Variants in AOPEP observed in about 807,000 individuals in gnomAD.
The protein encoded by AOPEP is aminopeptidase O (putative).
Under a neutral mutation model 98.1 loss-of-function variants are expected in AOPEP, and 77 were observed. The ratio of observed to expected loss-of-function variants is 0.78; its 90% CI spans 0.65 to 0.95. The LOEUF is 0.95. Among genes scored for constraint, AOPEP ranks in the 40% least tolerant of loss-of-function variants. AOPEP has a pLI of 0.00. For missense variants in AOPEP, 1,024 were observed against 1,024.7 expected (o/e 1.00, Z 0.01); for synonymous variants, 346 against 365.3 (o/e 0.95, Z 0.60).
chr9:94,814,373 A>T (rs1851265551), intron 5 of AOPEP, among the ~76,000 whole-genome samples: 1 of 152,212 alleles, frequency 6.6e-6, no homozygotes, highest in South Asian at 2.1e-4. Context: ...GATGTACCCC[A>T]GGTATTTAAT....
At chr9:94,764,783 A>T (rs1391924735) in intron 2 of AOPEP, among the ~76,000 whole-genome samples, 3 of 152,236 alleles carry the variant, frequency 2.0e-5, no homozygotes, top group Admixed American at 6.5e-5. Flanking sequence ...TGACAAGCAT[A>T]CTAATATAAG....
At chr9:95,128,588 G>A in the AOPEP span, among the ~76,000 whole-genome samples, 3 of 152,172 alleles carry the variant, frequency 2.0e-5, no homozygotes, top group East Asian at 3.9e-4. Context: ...AAACCACTGG[G>A]GGAGCAAGGA....
At chr9:94,964,163 A>G (rs1350177489) in intron 9 of AOPEP, among the ~76,000 whole-genome samples, 1 of 152,176 alleles carries the variant, frequency 6.6e-6, no homozygotes, top group Non-Finnish European at 1.5e-5. Flanking sequence ...GAGATGCCCA[A>G]GGTGTTAGGA....
At chr9:95,050,304 C>G (rs1587800630) in intron 13 of AOPEP, among the ~76,000 whole-genome samples, 1 of 152,202 alleles carries the variant, frequency 6.6e-6, no homozygotes, top group Admixed American at 6.5e-5. Flanking sequence ...CCTTGTTCTC[C>G]TGAAATTAAA....
chr9:95,042,872 G>A (rs1042835775), intron 13 of AOPEP, among the ~76,000 whole-genome samples: 2 of 152,136 alleles, frequency 1.3e-5, no homozygotes, highest in African/African-American at 4.8e-5. Context: ...CAGGTAATGT[G>A]GCCATTATCC....
chr9:95,149,268 C>A, the AOPEP span, among the ~76,000 whole-genome samples: 3 of 151,734 alleles, frequency 2.0e-5, no homozygotes, highest in African/African-American at 7.3e-5. Context: ...AAGAAGGAAA[C>A]AATAGTCGCT....
At chr9:95,008,397 G>A (rs1315031982) in intron 13 of AOPEP, among the ~76,000 whole-genome samples, 1 of 152,230 alleles carries the variant, frequency 6.6e-6, no homozygotes, top group Admixed American at 6.5e-5. Context: ...GGAAAACAGT[G>A]CTCTAGTGAG....
intron 13 of AOPEP, chr9:95,022,136 C>A (rs2063500586): frequency 6.6e-6 from 1 of 152,146 alleles, no homozygotes; most frequent in South Asian, 2.1e-4. Flanking sequence ...TGAGATCATA[C>A]ACTGTTACAG....
intron 3 of AOPEP, among the ~76,000 whole-genome samples, chr9:94,784,332 G>A (rs983956997): frequency 3.9e-5 from 6 of 152,128 alleles, no homozygotes; most frequent in African/African-American, 9.7e-5. Context: ...AATGACTACC[G>A]TATCTTGATT....
intron 5 of AOPEP, among the ~76,000 whole-genome samples, chr9:94,841,931 T>C (rs544606094): frequency 1.3e-5 from 2 of 152,120 alleles, no homozygotes; most frequent in Admixed American, 6.5e-5. Context: ...CACATGCCTG[T>C]GGTCCCAGCT....
chr9:94,878,363 C>G (rs1386791307), intron 5 of AOPEP, among the ~76,000 whole-genome samples: 1 of 150,198 alleles, frequency 6.7e-6, no homozygotes, highest in Non-Finnish European at 1.5e-5. Flanking sequence ...AGATGTGGAC[C>G]CAAGGTTACA....
intron 5 of AOPEP, among the ~76,000 whole-genome samples, chr9:94,814,086 G>A (rs1851206596): frequency 6.6e-6 from 1 of 152,218 alleles, no homozygotes; most frequent in Non-Finnish European, 1.5e-5. Context: ...AAATTATGTA[G>A]CAAGGTAGTC....
intron 13 of AOPEP, 137 bp downstream of exon 13, chr9:95,005,753 G>A (rs925547913): frequency 1.5e-6 from 1 of 684,728 alleles, no homozygotes; most frequent in African/African-American, 1.8e-5. Context: ...TAATATATGG[G>A]GAAATTCTAC....
intron 11 of AOPEP, among the ~76,000 whole-genome samples, chr9:94,988,459 G>T (rs902349895): frequency 6.6e-6 from 1 of 152,172 alleles, no homozygotes; most frequent in Non-Finnish European, 1.5e-5. Flanking sequence ...AAAAGAATAA[G>T]AATTCTGAAC....
chr9:94,750,816 C>T (rs540761414), intron 1 of AOPEP, among the ~76,000 whole-genome samples: 40 of 142,710 alleles, frequency 2.8e-4, no homozygotes, highest in Non-Finnish European at 5.3e-4. Flanking sequence ...GGCTCAATCT[C>T]GGCTCACTGC....
chr9:94,948,657 A>G (rs937912811), intron 7 of AOPEP, among the ~76,000 whole-genome samples: 1 of 152,132 alleles, frequency 6.6e-6, no homozygotes, highest in Non-Finnish European at 1.5e-5. Context: ...CTGGACTTGG[A>G]ATGGGAACTC....
In AOPEP at chr9:95,005,436, G is replaced by C. The variant is rs1454658939; in HGVS notation, c.2041-106G>C. 6.8e-6 allele frequency: 8 copies of C among 1,182,408 alleles called. No individual in the cohort carries two copies. In the East Asian group the frequency reaches 1.4e-4, roughly 21 times the overall value. The allele number at this position is 1,182,408 out of a possible 1,614,324, so 73.2% of individuals were successfully genotyped here. A position where few individuals can be genotyped will look rare whatever the true frequency, so the allele number is the denominator to read the frequency against. ...GGGCGCGGGTGGCCTCCCGAGGTGC[G>C]GGGAAGACCAGGTCGCGAGGCCGGG... On this transcript the variant is annotated intron_variant, in intron 12 of 16. Coordinates refer to ENST00000375315, the MANE Select transcript of AOPEP (RefSeq NM_001193329.3).
intron 13 of AOPEP, among the ~76,000 whole-genome samples, chr9:95,042,048 C>T (rs2065367997): frequency 6.6e-6 from 1 of 152,174 alleles, no homozygotes. Context: ...CGCGGTGGCT[C>T]ATGCCTGTAA....
chr9:94,826,915 A>G (rs1267793193), intron 5 of AOPEP, among the ~76,000 whole-genome samples: 1 of 152,156 alleles, frequency 6.6e-6, no homozygotes, highest in Admixed American at 6.5e-5. Flanking sequence ...TGCACAAGTC[A>G]TTGTTCATCT....
Sources: allele counts gnomAD v4.1 joint callset (sites outside exome capture counted in the v4.1 genomes callset), GRCh38; gene constraint gnomAD v4.1.1; transcripts MANE v1.5; gene names NCBI Gene and HGNC (gene_info 2026-07-23, HGNC 2026-07-21).